TMPRSS11E: variants seen among roughly 807,000 people sequenced by gnomAD.
The protein encoded by TMPRSS11E is transmembrane serine protease 11E.
TMPRSS11E carries 38 observed loss-of-function variants against 48.1 expected under a neutral mutation model. The ratio of observed to expected loss-of-function variants is 0.79; its 90% CI spans 0.61 to 1.04. TMPRSS11E has a LOEUF of 1.04. Ranked by LOEUF, TMPRSS11E falls within the 50% of genes least tolerant of loss-of-function variation. TMPRSS11E has a pLI of 0.00. For missense variants in TMPRSS11E, 530 were observed against 510.8 expected, an observed-to-expected ratio of 1.04 and a Z score of -0.36; for synonymous variants, 158 against 171.9, an observed-to-expected ratio of 0.92 and a Z score of 0.63.
rs370331993 is a variant in TMPRSS11E at position 68,496,833 on chromosome 4, A to AT, written c.*38dup. On this transcript the variant is annotated 3_prime_UTR_variant, in exon 10 of 10. Coordinates refer to ENST00000305363, the MANE Select transcript of TMPRSS11E (RefSeq NM_014058.4). Reference sequence around the variant, plus strand: ...AGAAAAGCCTCATGGAACAGATAACATTTTTTTTTGTTTTTTGGGTGTGGA... The same window carrying AT: ...AGAAAAGCCTCATGGAACAGATAACATTTTTTTTTTGTTTTTTGGGTGTGGA... 2,486 of 1,523,252 alleles carry AT rather than the reference A, an allele frequency of 1.6e-3. 15 individuals carry two copies. In the African/African-American group the frequency reaches 0.018, roughly 11 times the overall value. 94.4% of individuals were successfully genotyped at this position (1,523,252 alleles called of 1,614,324 possible). A position where few individuals can be genotyped will look rare whatever the true frequency, so the allele number is the denominator to read the frequency against.
intron 9 of TMPRSS11E, among the ~76,000 whole-genome samples, chr4:68,485,459 T>A (rs1729527379): frequency 6.6e-6 from 1 of 152,212 alleles, no homozygotes; most frequent in African/African-American, 2.4e-5. Flanking sequence ...ATTTATTTAT[T>A]TTCATATGTT....
intron 1 of TMPRSS11E, among the ~76,000 whole-genome samples, chr4:68,449,082 G>A (rs1477899298): frequency 6.6e-6 from 1 of 151,434 alleles, no homozygotes; most frequent in Non-Finnish European, 1.5e-5. Context: ...GTCAGATTTC[G>A]GATAGCCTTC....
intron 2 of TMPRSS11E, among the ~76,000 whole-genome samples, chr4:68,464,189 C>T (rs576871421): frequency 5.3e-5 from 8 of 152,198 alleles, no homozygotes; most frequent in South Asian, 4.2e-4. Context: ...GTAAACTAAC[C>T]GAGTGGCTTT....
intron 9 of TMPRSS11E, among the ~76,000 whole-genome samples, chr4:68,486,317 C>G (rs1237962080): frequency 6.6e-6 from 1 of 152,162 alleles, no homozygotes; most frequent in Non-Finnish European, 1.5e-5. Flanking sequence ...TTACCTGTGT[C>G]CCAGAAATTC....
At chr4:68,491,301 A>C (rs1729715798) in intron 9 of TMPRSS11E, among the ~76,000 whole-genome samples, 1 of 19,610 alleles carries the variant, frequency 5.1e-5, no homozygotes, top group African/African-American at 2.6e-4. Flanking sequence ...ATATGAAGCA[A>C]AAAAAAAAAA....
At chr4:68,453,447 T>C (rs1257608132) in intron 1 of TMPRSS11E, among the ~76,000 whole-genome samples, 1 of 151,932 alleles carries the variant, frequency 6.6e-6, no homozygotes, top group Admixed American at 6.6e-5. Context: ...TTGCTTAAAG[T>C]CATAGAGCTT....
chr4:68,464,401 C>T (rs1377671319), intron 2 of TMPRSS11E, among the ~76,000 whole-genome samples: 1 of 152,198 alleles, frequency 6.6e-6, no homozygotes, highest in African/African-American at 2.4e-5. Context: ...TGCATTTCTG[C>T]CCCTGTGTAA....
At chr4:68,486,534 A>G (rs1193811656) in intron 9 of TMPRSS11E, among the ~76,000 whole-genome samples, 1 of 152,112 alleles carries the variant, frequency 6.6e-6, no homozygotes, top group Non-Finnish European at 1.5e-5. Flanking sequence ...ATTTGTTTAG[A>G]ATTGCTTTAT....
intron 1 of TMPRSS11E, among the ~76,000 whole-genome samples, chr4:68,455,304 C>CATTA (rs1382105912): frequency 6.6e-6 from 1 of 151,922 alleles, no homozygotes; most frequent in African/African-American, 2.4e-5. Flanking sequence ...AGGCATGGAA[C>CATTA]ATTAGCTTGG....
At chr4:68,448,470 T>A (rs1728403219) in intron 1 of TMPRSS11E, among the ~76,000 whole-genome samples, 1 of 151,998 alleles carries the variant, frequency 6.6e-6, no homozygotes, top group Non-Finnish European at 1.5e-5. Context: ...TTACAACCAA[T>A]GATGGTTTTG....
intron 8 of TMPRSS11E, 41 bp from the exon 9 acceptor site, chr4:68,478,808 A>G: frequency 2.5e-6 from 4 of 1,601,450 alleles, no homozygotes; most frequent in African/African-American, 2.7e-5. Context: ...TTTATAAAAT[A>G]TATGTATGTC....
At chr4:68,467,389 C>T (rs1560550993) in intron 3 of TMPRSS11E, among the ~76,000 whole-genome samples, 1 of 152,074 alleles carries the variant, frequency 6.6e-6, no homozygotes. Flanking sequence ...GAACAAGGGC[C>T]TAAGTGGTAA....
intron 1 of TMPRSS11E, among the ~76,000 whole-genome samples, chr4:68,451,524 A>C (rs1335713664): frequency 1.3e-5 from 2 of 151,880 alleles, no homozygotes; most frequent in African/African-American, 4.8e-5. Flanking sequence ...AGTACTATAC[A>C]GGCATATTTA....
At chr4:68,459,613 T>G (rs959098126) in intron 1 of TMPRSS11E, among the ~76,000 whole-genome samples, 1 of 152,204 alleles carries the variant, frequency 6.6e-6, no homozygotes, top group Non-Finnish European at 1.5e-5. Flanking sequence ...TGTTAATACA[T>G]GAAACCTACT....
chr4:68,450,187 A>G (rs34956644), intron 1 of TMPRSS11E, among the ~76,000 whole-genome samples: 37,468 of 151,860 alleles, frequency 0.25, 5,464 homozygotes, highest in Non-Finnish European at 0.32. Context: ...TCCTTCAACT[A>G]GAATCAGCCC....
chr4:68,458,796 G>C (rs1375633236), intron 1 of TMPRSS11E, among the ~76,000 whole-genome samples: 1 of 152,052 alleles, frequency 6.6e-6, no homozygotes. Context: ...ACTGGGAAAA[G>C]AACAAATAAT....
Position 68,491,082 on chromosome 4 carries a change from A to G in TMPRSS11E, c.1111-5561A>G, listed in dbSNP as rs1004479819. 3.1e-4 allele frequency among the ~76,000 whole-genome samples: 47 copies of G among 151,616 alleles called. 3 individuals are homozygous for G. Among genetic ancestry groups the G allele is most frequent in the African/African-American group, 2.4e-5 (1 of 41,252 alleles). The stretch of plus-strand genomic sequence containing the variant: ...TGCCTATTCAGCATATTCTGACACC[A>G]ATCTAGTAGGGAATTGGGCCTTCTT... On this transcript the variant is annotated intron_variant, in intron 9 of 9. Coordinates refer to ENST00000305363, the MANE Select transcript of TMPRSS11E (RefSeq NM_014058.4).
intron 1 of TMPRSS11E, among the ~76,000 whole-genome samples, chr4:68,454,717 A>G (rs1728582069): frequency 6.6e-6 from 1 of 151,970 alleles, no homozygotes; most frequent in Non-Finnish European, 1.5e-5. Context: ...TGTATGGTTT[A>G]GAGTGCTTTC....
In TMPRSS11E at chr4:68,469,560, A is replaced by G. The variant is rs529635667; in HGVS notation, c.326+614A>G. ...AACTTTAAAAGTTTCCTGCCATTCT[A>G]TTACTTAGCTGATATCTCTAAGGCA... On this transcript the variant is annotated intron_variant, in intron 4 of 9. Transcript: ENST00000305363. 1.1e-4 allele frequency among the ~76,000 whole-genome samples: 17 copies of G among 152,094 alleles called. No individual in the cohort carries two copies. The East Asian group carries it at 1.2e-3, about 10-fold the overall frequency.
Sources: allele counts gnomAD v4.1 joint callset (sites outside exome capture counted in the v4.1 genomes callset), GRCh38; gene constraint gnomAD v4.1.1; transcripts MANE v1.5; gene names NCBI Gene and HGNC (gene_info 2026-07-23, HGNC 2026-07-21).